The following ADORA2A variants were observed in gnomAD, a reference collection of about 807,000 sequenced individuals.
ADORA2A encodes adenosine A2a receptor.
A neutral mutation model predicts 18.4 loss-of-function variants in ADORA2A; 11 were observed. The observed-to-expected ratio is 0.60, with a 90% CI of 0.38 to 0.99. ADORA2A has a LOEUF of 0.99. Among genes scored for constraint, ADORA2A ranks in the 50% least tolerant of loss-of-function variants. The probability of loss-of-function intolerance (pLI) is 0.01; values close to 1 mark genes in which losing one functional copy is unlikely to be tolerated. For missense variants in ADORA2A, 449 were observed against 556.1 expected, an observed-to-expected ratio of 0.81 and a Z score of 1.94; for synonymous variants, 218 against 237.3, an observed-to-expected ratio of 0.92 and a Z score of 0.75.
chr22:24,427,300 C>T (rs1401254387), upstream of ADORA2A, among the ~76,000 whole-genome samples: 2 of 152,098 alleles, frequency 1.3e-5, no homozygotes, highest in East Asian at 1.9e-4. Flanking sequence ...GGGGCTGCCT[C>T]GTCGCACCTG....
At chr22:24,437,772 G>A (rs957646283) in intron 2 of ADORA2A, among the ~76,000 whole-genome samples, 1 of 152,262 alleles carries the variant, frequency 6.6e-6, no homozygotes, top group Non-Finnish European at 1.5e-5. Flanking sequence ...TACGGTGGAA[G>A]ACTCCCCTTG....
chr22:24,427,381 C>A (rs980819216), upstream of ADORA2A, among the ~76,000 whole-genome samples: 12 of 152,194 alleles, frequency 7.9e-5, no homozygotes, highest in Non-Finnish European at 1.8e-4. Flanking sequence ...TTGTGAGGCC[C>A]TGCACCCAGC....
chr22:24,425,337 A>ACCCCCCCCCCCCCCCCCCCCCCCCC (rs398036656), upstream of ADORA2A, among the ~76,000 whole-genome samples: 17 of 82,358 alleles, frequency 2.1e-4, 3 homozygotes, highest in Admixed American at 5.1e-4. Context: ...TGTGGGCAGC[A>ACCCCCCCCCCCCCCCCCCCCCCCCC]CCCCCCCCCC....
At chr22:24,432,576 G>A (rs907644343) in intron 1 of ADORA2A, 1 of 152,404 alleles carries the variant, frequency 6.6e-6, no homozygotes, top group African/African-American at 2.4e-5. Context: ...CTGAGCATGG[G>A]GGGGCCAACA....
chr22:24,440,905 G>A lies in ADORA2A; in HGVS notation c.655G>A (p.Glu219Lys). 1.2e-6 allele frequency: 2 copies of A among 1,614,202 alleles called. No homozygotes were observed. Among genetic ancestry groups the A allele is most frequent in the Non-Finnish European group, 1.7e-6 (2 of 1,180,028 alleles). Residue 219 changes from glutamate (E) to lysine (K), a missense_variant, in exon 3 of 3, where the codon GAG becomes AAG. Glu to Lys is a moderately conservative substitution (Grantham distance 56). Coordinates refer to ENST00000337539, the MANE Select transcript of ADORA2A (RefSeq NM_000675.6). ...GATGGAGAGCCAGCCTCTGCCGGGG[G>A]AGCGGGCACGGTCCACACTGCAGAA... ...KQMESQPLPG[E>K]RARSTLQKEV...
chr22:24,436,748 G>A (rs974702351), intron 2 of ADORA2A, among the ~76,000 whole-genome samples: 1 of 152,232 alleles, frequency 6.6e-6, no homozygotes, highest in African/African-American at 2.4e-5. Context: ...AGGATTGGGA[G>A]AGAGGGCTCC....
At position 24,439,958 on chromosome 22, in the gene ADORA2A, C is replaced by T. The variant is rs75478214; in HGVS notation, c.333-625C>T. Among the ~76,000 whole-genome samples, 547 of 152,258 alleles carry T rather than the reference C, an allele frequency of 3.6e-3. 3 individuals carry two copies. Among genetic ancestry groups the T allele is most frequent in the Middle Eastern group, 0.014 (4 of 294 alleles). On this transcript the variant is annotated intron_variant, in intron 2 of 2. Coordinates refer to ENST00000337539, the MANE Select transcript of ADORA2A (RefSeq NM_000675.6). ...CCTGGGACCTCCTCCCCTCTTTTAC[C>T]CTCCATGCTGCCTCTCCTCAAGGGC... is the stretch of plus-strand genomic sequence containing the variant.
At chr22:24,431,663 A>G (rs1245363927) in intron 1 of ADORA2A, 5 of 373,214 alleles carry the variant, frequency 1.3e-5, no homozygotes, top group African/African-American at 8.5e-5. Flanking sequence ...CAACACACTC[A>G]TAGGGCCCCA....
chr22:24,439,071 C>CTTT (rs868563988), intron 2 of ADORA2A, among the ~76,000 whole-genome samples: 8 of 77,926 alleles, frequency 1.0e-4, no homozygotes, highest in Non-Finnish European at 2.5e-4. Context: ...TCCCCTTGCA[C>CTTT]CTTTTTTTTT....
At chr22:24,434,683 C>T (rs1012372295) in intron 2 of ADORA2A, among the ~76,000 whole-genome samples, 15 of 152,128 alleles carry the variant, frequency 9.9e-5, no homozygotes, top group African/African-American at 2.9e-4. Flanking sequence ...ACCATCTCTG[C>T]GGTGAATTAT....
At chr22:24,438,253 G>A (rs1390032192) in intron 2 of ADORA2A, 1 of 152,258 alleles carries the variant, frequency 6.6e-6, no homozygotes, top group Admixed American at 6.5e-5. Context: ...TTTTACAAAT[G>A]AAGAAACTGA....
Position 24,441,318 on chromosome 22 carries a change from G to C in ADORA2A, c.1068G>C (p.Arg356=). The C allele has an allele frequency of 6.2e-7, 1 of 1,606,334 alleles. No homozygotes were observed. The highest frequency in any genetic ancestry group is 8.5e-7 in the Non-Finnish European group (1 of 1,175,280). Residue 356 remains arginine, a synonymous_variant, in exon 3 of 3, where the codon CGG becomes CGC. Coordinates refer to ENST00000337539, the MANE Select transcript of ADORA2A (RefSeq NM_000675.6). ...ACGGCAGTGCTCCCCACCCTGAGCG[G>C]AGGCCCAATGGCTATGCCCTGGGGC... ...WANGSAPHPE[R]RPNGYALGLV...
At chr22:24,429,753 C>T (rs2042982172) in intron 1 of ADORA2A, 1 of 152,430 alleles carries the variant, frequency 6.6e-6, no homozygotes, top group Non-Finnish European at 1.5e-5. Context: ...CCAGCAAGAT[C>T]ACAGATGACA....
At position 24,433,353 on chromosome 22, in the gene ADORA2A, C is replaced by G. The variant is rs771503509; in HGVS notation, c.-52C>G. ...GGGCGGCTGGGCTGCAGCAATGGACCGTGAGCTGGCCCAGCCCGCGTCCGT... is the reference window on the plus strand; with the variant it reads ...GGGCGGCTGGGCTGCAGCAATGGACGGTGAGCTGGCCCAGCCCGCGTCCGT... On this transcript the variant is annotated 5_prime_UTR_variant, in exon 2 of 3. Coordinates refer to ENST00000337539, the MANE Select transcript of ADORA2A (RefSeq NM_000675.6). 2 of 1,515,446 alleles carry G rather than the reference C, an allele frequency of 1.3e-6. No homozygotes were observed. Among genetic ancestry groups the G allele is most frequent in the East Asian group, 2.4e-5 (1 of 40,854 alleles). The allele number at this position is 1,515,446 out of a possible 1,614,324, so 93.9% of individuals were successfully genotyped here.
rs998459173 is a variant in ADORA2A, at chr22:24,433,732, C to A, written c.328C>A (p.Leu110Ile). The part of the protein sequence containing the change: ...IDRYIAIRIP[L>I]RYNGLVTGTR... ...CCGCTACATTGCCATCCGCATCCCG[C>A]TCCGGTGAGCAGGGCCGGGGTTACA... Residue 110 changes from leucine (L) to isoleucine (I), a missense_variant, in exon 2 of 3, where the codon CTC (leucine) becomes ATC (isoleucine). By Grantham distance (5) the Leu-to-Ile change is conservative. Coordinates refer to ENST00000337539, the MANE Select transcript of ADORA2A (RefSeq NM_000675.6). 6 of 1,604,514 alleles carry A rather than the reference C, an allele frequency of 3.7e-6. No homozygotes were observed. In the Admixed American group the frequency reaches 6.7e-5, roughly 18 times the overall value.
In ADORA2A at chr22:24,441,959, G is replaced by GT. The variant is rs2043353455; in HGVS notation, c.*471dup. The GT allele has an allele frequency of 1.3e-5, 2 of 155,354 alleles. No individual in the cohort carries two copies. The highest frequency in any genetic ancestry group is 4.8e-5 in the African/African-American group (2 of 41,578). 9.6% of individuals were successfully genotyped at this position (155,354 alleles called of 1,614,324 possible). On this transcript the variant is annotated 3_prime_UTR_variant, in exon 3 of 3. Transcript: ENST00000337539. ...CATTTGACTTTTTTCCAGGAAAAAT[G>GT]TAAGTGTGAGGAAACCCTTTTTATT...
rs1439909894 is a variant in ADORA2A at position 24,442,201 on chromosome 22, G to C, written c.*712G>C. The C allele has an allele frequency of 6.5e-6, 1 of 153,014 alleles. No homozygotes were observed. The highest frequency in any genetic ancestry group is 1.5e-5 in the Non-Finnish European group (1 of 68,248). 9.5% of individuals were successfully genotyped at this position (153,014 alleles called of 1,614,324 possible). On this transcript the variant is annotated 3_prime_UTR_variant, in exon 3 of 3. Coordinates refer to ENST00000337539, the MANE Select transcript of ADORA2A (RefSeq NM_000675.6). The stretch of plus-strand genomic sequence containing the variant: ...GCCAGAGCATGGGCCCAGGTCCCAG[G>C]GGAGAGGTTGGGGCTGGCAGGCCAC...
chr22:24,432,013 G>C (rs1421328854), intron 1 of ADORA2A: 1 of 163,026 alleles, frequency 6.1e-6, no homozygotes, highest in Non-Finnish European at 1.4e-5. Flanking sequence ...AAGCATTTTT[G>C]CCCAGAGTCC....
In ADORA2A at chr22:24,441,309, C is replaced by A. The variant is rs1400410165; in HGVS notation, c.1059C>A (p.His353Gln). 13 of 1,608,072 alleles carry A rather than the reference C, an allele frequency of 8.1e-6. No individual in the cohort carries two copies. The highest frequency in any genetic ancestry group is 1.7e-6 in the Non-Finnish European group (2 of 1,176,272). ...TGTGGGCCAACGGCAGTGCTCCCCA[C>A]CCTGAGCGGAGGCCCAATGGCTATG... ...PGVWANGSAP[H>Q]PERRPNGYAL... Residue 353 changes from histidine (H) to glutamine (Q), a missense_variant, in exon 3 of 3, where the codon CAC (histidine) becomes CAA (glutamine). By Grantham distance (24) the His-to-Gln change is conservative. Coordinates refer to ENST00000337539, the MANE Select transcript of ADORA2A (RefSeq NM_000675.6).
Sources: gnomAD v4.1 joint callset for allele counts (sites outside exome capture counted in the v4.1 genomes callset) on GRCh38, gnomAD v4.1.1 for gene constraint, MANE v1.5 for transcripts, NCBI Gene and HGNC (gene_info 2026-07-23, HGNC 2026-07-21) for gene names.